ARL6IP4: variants seen among roughly 807,000 people sequenced by gnomAD.
ARL6IP4 encodes ADP-ribosylation factor-like protein 6-interacting protein 4.
A neutral mutation model predicts 28.1 loss-of-function variants in ARL6IP4; 24 were observed. That is an observed-to-expected ratio of 0.86 (90% CI 0.62 to 1.20). ARL6IP4 has a LOEUF of 1.20. Among genes scored for constraint, ARL6IP4 ranks in the 50% most tolerant of loss-of-function variants. ARL6IP4 has a pLI of 0.00. For missense variants in ARL6IP4, 343 were observed against 302.4 expected (o/e 1.13, Z -1.00); for synonymous variants, 162 against 122.3 (o/e 1.32, Z -2.14).
In ARL6IP4 at chr12:122,982,723, T is replaced by G. The variant is rs762606945; in HGVS notation, c.*47T>G. The G allele has an allele frequency of 6.3e-7, 1 of 1,591,950 alleles. No homozygotes were observed. Among genetic ancestry groups the G allele is most frequent in the South Asian group, 1.1e-5 (1 of 90,542 alleles). On this transcript the variant is annotated 3_prime_UTR_variant, in exon 6 of 6. Transcript: ENST00000315580. The stretch of plus-strand genomic sequence containing the variant: ...TGTGGACGACGCTGGCGGCCCAGCC[T>G]GGGCAGGTTTCAGGGTGCCAGTGGG...
At chr12:122,982,209 C>T in intron 4 of ARL6IP4, 135 bp downstream of exon 4, 2 of 1,037,320 alleles carry the variant, frequency 1.9e-6, no homozygotes, top group Non-Finnish European at 1.5e-6. Flanking sequence ...AATACGGTCA[C>T]TTGGAGTAAG....
Position 122,981,335 on chromosome 12 carries a change from TTAC to T in ARL6IP4, c.160+40_160+42del, listed in dbSNP as rs1221093775. 8 of 1,525,050 alleles carry T rather than the reference TTAC, an allele frequency of 5.2e-6. No individual in the cohort carries two copies. The African/African-American group carries it at 9.7e-5, about 19-fold the overall frequency. The allele number at this position is 1,525,050 out of a possible 1,614,324, so 94.5% of individuals were successfully genotyped here. ...CAGGCATCGGGGAGAGGAGGCGCAG[TTAC>T]TACCCGGGGAAGTCGGGCGAGCAGT... On this transcript the variant is annotated intron_variant, in intron 2 of 5. Coordinates refer to ENST00000315580, the MANE Select transcript of ARL6IP4 (RefSeq NM_018694.4).
At chr12:122,982,362 G>T in intron 4 of ARL6IP4, 107 bp from the exon 5 acceptor site, 3 of 1,129,642 alleles carry the variant, frequency 2.7e-6, no homozygotes, top group Non-Finnish European at 3.9e-6. Flanking sequence ...ACTCAAGGCT[G>T]CGGGGTGGGA....
At position 122,981,880 on chromosome 12, in the gene ARL6IP4, G is replaced by T; in HGVS notation, c.469+1G>T. 1 of 1,612,806 alleles carries T rather than the reference G, an allele frequency of 6.2e-7. No homozygotes were observed. The highest frequency in any genetic ancestry group is 8.5e-7 in the Non-Finnish European group (1 of 1,179,444). On this transcript the variant is annotated splice_donor_variant, in intron 3 of 5. Transcript: ENST00000315580. LOFTEE classifies it high-confidence loss of function. ...GCTGGGGAGGAAGAGGATGGCCCAGGTACTGTGCTGCCCAGCACCTGAGAG... is the reference window on the plus strand; with the variant it reads ...GCTGGGGAGGAAGAGGATGGCCCAGTTACTGTGCTGCCCAGCACCTGAGAG...
At chr12:122,980,648 G>A, upstream of ARL6IP4, 4 of 1,393,048 alleles carry the variant, frequency 2.9e-6, no homozygotes, top group South Asian at 1.6e-5. Flanking sequence ...TTCCCAGCCG[G>A]CCAGCCTCCC....
chr12:122,980,571 T>A, upstream of ARL6IP4: 2 of 1,370,254 alleles, frequency 1.5e-6, no homozygotes, highest in Middle Eastern at 2.2e-4. Context: ...CCTGCTTGCC[T>A]CTGCGGGAGG....
rs755931917 is a variant in ARL6IP4, at chr12:122,981,721, G to C, written c.311G>C (p.Arg104Pro). ...SSSSSDGRKK[R>P]GKYKDKRRKK... Reference sequence around the variant, plus strand: ...TCCTCCAGTGATGGCCGGAAGAAGCGGGGGAAGTACAAGGACAAGAGGAGG... The same window carrying C: ...TCCTCCAGTGATGGCCGGAAGAAGCCGGGGAAGTACAAGGACAAGAGGAGG... Residue 104 changes from arginine (R) to proline (P), a missense_variant, in exon 3 of 6, where the codon CGG becomes CCG. Transcript: ENST00000315580. 1.4e-5 allele frequency: 21 copies of C among 1,552,884 alleles called. No individual in the cohort carries two copies. Among genetic ancestry groups the C allele is most frequent in the Middle Eastern group, 1.7e-4 (1 of 6,016 alleles).
rs745875699 is a variant in ARL6IP4 at position 122,981,745 on chromosome 12, G to GGAAGAA, written c.347_352dup (p.Lys116_Lys117dup). On this transcript the variant is annotated inframe_insertion, in exon 3 of 6. Transcript: ENST00000315580. ...CGGGGGAAGTACAAGGACAAGAGGA[G>GGAAGAA]GAAGAAGAAGAAGAAGAGGAAGAAG... The GGAAGAA allele has an allele frequency of 2.1e-4, 334 of 1,554,792 alleles. No homozygotes were observed. Among genetic ancestry groups the GGAAGAA allele is most frequent in the Non-Finnish European group, 2.6e-4 (302 of 1,149,008 alleles).
chr12:122,982,462 C>T lies in ARL6IP4; in HGVS notation c.588-7C>T, dbSNP rs2037731665. On this transcript the variant is annotated splice_region_variant and splice_polypyrimidine_tract_variant and intron_variant, in intron 4 of 5. Transcript: ENST00000315580. ...TCCTTGCTGAACGGAGACCCTCCCA[C>T]CCCCAGGCTTATTAAGGGAGATGGC... 6.2e-7 allele frequency: 1 copy of T among 1,611,066 alleles called. No homozygotes were observed. The highest frequency in any genetic ancestry group is 1.3e-5 in the African/African-American group (1 of 74,846).
Position 122,982,212 on chromosome 12 carries a change from G to A in ARL6IP4, c.587+138G>A, listed in dbSNP as rs1021755256. 16 of 1,010,162 alleles carry A rather than the reference G, an allele frequency of 1.6e-5. No homozygotes were observed. In the East Asian group the frequency reaches 3.9e-4, roughly 25 times the overall value. The allele number at this position is 1,010,162 out of a possible 1,614,324, so 62.6% of individuals were successfully genotyped here. On this transcript the variant is annotated intron_variant, in intron 4 of 5. Transcript: ENST00000315580. ...AATGTGGGCAAAAATACGGTCACTT[G>A]GAGTAAGTAGTTGCAGGGGCTGGAA...
rs200557615 is a variant in ARL6IP4 at position 122,981,538 on chromosome 12, G to A, written c.161-33G>A. The A allele has an allele frequency of 1.4e-4, 211 of 1,508,142 alleles. No homozygotes were observed. The African/African-American group carries it at 2.5e-3, about 18-fold the overall frequency. 93.4% of individuals were successfully genotyped at this position (1,508,142 alleles called of 1,614,324 possible). Reference sequence around the variant, plus strand: ...CCTGCCCCAGGCCAGAGCAGGGGACGAAGGTTTACCTCTTCCCCTCCTGGC... The same window carrying A: ...CCTGCCCCAGGCCAGAGCAGGGGACAAAGGTTTACCTCTTCCCCTCCTGGC... On this transcript the variant is annotated intron_variant, in intron 2 of 5. Coordinates refer to ENST00000315580, the MANE Select transcript of ARL6IP4 (RefSeq NM_018694.4).
rs1566219130 is a variant in ARL6IP4, at chr12:122,981,668, CTCT to C, written c.264_266del (p.Ser98del). 13 of 1,554,936 alleles carry C rather than the reference CTCT, an allele frequency of 8.4e-6. No individual in the cohort carries two copies. The Admixed American group carries it at 1.2e-4, about 14-fold the overall frequency. ...CCTCTTCTTCCAGTTCTTCTAGCTCCTCTTCTTCCTCCTCGTCCTCCTCCTCTT... is the reference window on the plus strand; with the variant it reads ...CCTCTTCTTCCAGTTCTTCTAGCTCCTCTTCCTCCTCGTCCTCCTCCTCTT... On this transcript the variant is annotated inframe_deletion, in exon 3 of 6. Coordinates refer to ENST00000315580, the MANE Select transcript of ARL6IP4 (RefSeq NM_018694.4).
chr12:122,981,700 C>G lies in ARL6IP4; in HGVS notation c.290C>G (p.Ser97Cys), dbSNP rs1188710640. 1 of 1,552,312 alleles carries G rather than the reference C, an allele frequency of 6.4e-7. No homozygotes were observed. Among genetic ancestry groups the G allele is most frequent in the Non-Finnish European group, 8.7e-7 (1 of 1,146,886 alleles). Residue 97 changes from serine (S) to cysteine (C), a missense_variant, in exon 3 of 6, where the codon TCC becomes TGC. Physicochemically the swap from Ser to Cys is moderately radical, Grantham distance 112 (BLOSUM62 -1). Transcript: ENST00000315580. ...TCCTCCTCGTCCTCCTCCTCTTCCTCCAGTGATGGCCGGAAGAAGCGGGGG... is the reference window on the plus strand; with the variant it reads ...TCCTCCTCGTCCTCCTCCTCTTCCTGCAGTGATGGCCGGAAGAAGCGGGGG... ...SSSSSSSSSSSSDGRKKRGKY... is the reference protein window; with the variant it reads ...SSSSSSSSSSCSDGRKKRGKY...
intron 4 of ARL6IP4, 99 bp downstream of exon 4, chr12:122,982,173 C>T (rs112360219): frequency 3.3e-5 from 46 of 1,413,854 alleles, no homozygotes; most frequent in Admixed American, 8.5e-5. Context: ...GTTCCTGGTG[C>T]CTGAAAAAGG....
At chr12:122,980,933 G>T (rs1046654560) in intron 1 of ARL6IP4, 188 bp downstream of exon 1, 4 of 1,379,928 alleles carry the variant, frequency 2.9e-6, no homozygotes, top group Middle Eastern at 4.7e-4. Flanking sequence ...CCCTTAACAG[G>T]CACCGCTGCG....
rs2037628985 is a variant in ARL6IP4 at position 122,981,176 on chromosome 12, C to T, written c.37C>T (p.Arg13Cys). The change falls in exon 2 of 6, where the codon CGC becomes TGC. Residue 13 changes from arginine to cysteine, a missense_variant. By Grantham distance (180) the Arg-to-Cys change is radical (BLOSUM62 -3). Transcript: ENST00000315580. The stretch of plus-strand genomic sequence containing the variant: ...CGGCTCCCGCAAGCGCTCGAGGAGT[C>T]GCAGCCGGTCCCGGGGACGGGGGTC... ...HVGSRKRSRS[R>C]SRSRGRGSEK... The T allele has an allele frequency of 6.5e-7, 1 of 1,549,528 alleles. No individual in the cohort carries two copies. Among genetic ancestry groups the T allele is most frequent in the Non-Finnish European group, 8.7e-7 (1 of 1,146,712 alleles).
rs535414044 is a variant in ARL6IP4 at position 122,982,392 on chromosome 12, G to A, written c.588-77G>A. 419 of 1,410,128 alleles carry A rather than the reference G, an allele frequency of 3.0e-4. No individual in the cohort carries two copies. In the African/African-American group the frequency reaches 5.0e-3, roughly 17 times the overall value. The allele number at this position is 1,410,128 out of a possible 1,614,324, so 87.4% of individuals were successfully genotyped here. A position where few individuals can be genotyped will look rare whatever the true frequency, so the allele number is the denominator to read the frequency against. On this transcript the variant is annotated intron_variant, in intron 4 of 5. Transcript: ENST00000315580. ...GTGGGAGCCCTGGGACCCCTCTGCC[G>A]GCTGCTTGTGGTTCTGCTCCTCTGG... is the stretch of plus-strand genomic sequence containing the variant.
At position 122,981,746 on chromosome 12, in the gene ARL6IP4, G is replaced by T. The variant is rs1594107045; in HGVS notation, c.336G>T (p.Arg112Ser). ...KKRGKYKDKRRKKKKKRKKLK... is the reference protein window; with the variant it reads ...KKRGKYKDKRSKKKKKRKKLK... The stretch of plus-strand genomic sequence containing the variant: ...GGGGGAAGTACAAGGACAAGAGGAG[G>T]AAGAAGAAGAAGAAGAGGAAGAAGC... The change falls in exon 3 of 6, where the codon AGG becomes AGT. Residue 112 changes from arginine to serine, a missense_variant. Coordinates refer to ENST00000315580, the MANE Select transcript of ARL6IP4 (RefSeq NM_018694.4). 1.3e-6 allele frequency: 2 copies of T among 1,527,128 alleles called. No homozygotes were observed. The highest frequency in any genetic ancestry group is 1.8e-6 in the Non-Finnish European group (2 of 1,126,732). 94.6% of individuals were successfully genotyped at this position (1,527,128 alleles called of 1,614,324 possible). A position where few individuals can be genotyped will look rare whatever the true frequency, so the allele number is the denominator to read the frequency against.
At chr12:122,980,608 G>T (rs534538042), upstream of ARL6IP4, 141 of 1,411,142 alleles carry the variant, frequency 1.0e-4, no homozygotes, top group African/African-American at 1.9e-3. Flanking sequence ...GGAACCTGGG[G>T]CGTCAGAACG....
Sources: allele counts gnomAD v4.1 joint callset, GRCh38; gene constraint gnomAD v4.1.1; transcripts MANE v1.5; gene names NCBI Gene and HGNC (gene_info 2026-07-23, HGNC 2026-07-21).